The following SH3PXD2A variants were observed in gnomAD, a reference collection of about 807,000 sequenced individuals.
SH3PXD2A encodes SH3 and PX domains 2A, also known as SH3 and PX domain-containing protein 2A.
A neutral mutation model predicts 115.2 loss-of-function variants in SH3PXD2A; 32 were observed. That is an observed-to-expected ratio of 0.28 (90% confidence interval 0.21 to 0.37). The LOEUF (loss-of-function observed/expected upper bound fraction) is 0.37. Among genes scored for constraint, SH3PXD2A ranks in the 10% least tolerant of loss-of-function variants. The pLI is 1.00. For missense variants in SH3PXD2A, 1,328 were observed against 1,498.7 expected (o/e 0.89, Z 1.88); for synonymous variants, 610 against 629.1 (o/e 0.97, Z 0.45).
At chr10:103,693,129 C>T (rs775084687) in intron 5 of SH3PXD2A, 73 bp from the exon 6 acceptor site, 5 of 1,359,604 alleles carry the variant, frequency 3.7e-6, no homozygotes, top group Non-Finnish European at 4.2e-6. Context: ...TGCAGGGGCG[C>T]CCTCGGGCTG....
chr10:103,851,047 C>T (rs1326480601), intron 1 of SH3PXD2A, among the ~76,000 whole-genome samples: 3 of 138,708 alleles, frequency 2.2e-5, no homozygotes, highest in East Asian at 4.2e-4. Context: ...TGCCCAACAC[C>T]ATACTCATTC....
intron 11 of SH3PXD2A, among the ~76,000 whole-genome samples, chr10:103,615,423 T>C (rs1303439024): frequency 6.6e-6 from 1 of 151,056 alleles, no homozygotes; most frequent in African/African-American, 2.4e-5. Flanking sequence ...TTTCCAGCAA[T>C]GGAGAATGAA....
intron 13 of SH3PXD2A, among the ~76,000 whole-genome samples, chr10:103,610,820 A>G (rs546114706): frequency 6.6e-6 from 1 of 152,354 alleles, no homozygotes; most frequent in Non-Finnish European, 1.5e-5. Context: ...AGGGCACTGA[A>G]GCTTGTAGAG....
At chr10:103,626,310 C>T (rs191072042) in intron 9 of SH3PXD2A, among the ~76,000 whole-genome samples, 9 of 152,344 alleles carry the variant, frequency 5.9e-5, no homozygotes, top group Admixed American at 3.9e-4. Context: ...GCCCGAGCAC[C>T]GGGTGGTGGC....
At chr10:103,701,372 T>G (rs1207622122) in intron 5 of SH3PXD2A, among the ~76,000 whole-genome samples, 3 of 81,780 alleles carry the variant, frequency 3.7e-5, no homozygotes, top group South Asian at 4.8e-4. Flanking sequence ...ATCTATCCAT[T>G]CATCCATCCA....
At chr10:103,782,270 C>T (rs886988996) in intron 2 of SH3PXD2A, among the ~76,000 whole-genome samples, 2 of 152,206 alleles carry the variant, frequency 1.3e-5, no homozygotes, top group African/African-American at 4.8e-5. Flanking sequence ...AAACCCCAGG[C>T]GGACCTGCTG....
chr10:103,625,710 G>A (rs2036680813), intron 9 of SH3PXD2A, among the ~76,000 whole-genome samples: 1 of 152,198 alleles, frequency 6.6e-6, no homozygotes, highest in South Asian at 2.1e-4. Context: ...TGACCAACAT[G>A]GCGAGACCCC....
At chr10:103,642,151 T>C (rs1391952243) in intron 8 of SH3PXD2A, among the ~76,000 whole-genome samples, 1 of 148,970 alleles carries the variant, frequency 6.7e-6, no homozygotes, top group African/African-American at 2.5e-5. Context: ...ATTTGCCTTT[T>C]TTTTTTTTTT....
intron 5 of SH3PXD2A, among the ~76,000 whole-genome samples, chr10:103,694,801 C>G (rs1272135101): frequency 6.6e-6 from 1 of 152,090 alleles, no homozygotes; most frequent in East Asian, 1.9e-4. Context: ...TCTGGGAAAC[C>G]GTTGCCTTGG....
chr10:103,654,498 T>C (rs570997324), intron 8 of SH3PXD2A, among the ~76,000 whole-genome samples: 2 of 152,274 alleles, frequency 1.3e-5, no homozygotes, highest in East Asian at 3.9e-4. Flanking sequence ...CAATCAGTGG[T>C]CTTTCTAGTG....
intron 3 of SH3PXD2A, among the ~76,000 whole-genome samples, chr10:103,760,341 G>C (rs1450994621): frequency 6.6e-6 from 1 of 152,160 alleles, no homozygotes; most frequent in Non-Finnish European, 1.5e-5. Context: ...AGCCAAGGCA[G>C]GTGGATCACT....
chr10:103,597,181 G>C lies in SH3PXD2A; in HGVS notation c.*4635C>G, dbSNP rs1052065747. On this transcript the variant is annotated 3_prime_UTR_variant, in exon 15 of 15. Coordinates refer to ENST00000369774, the MANE Select transcript of SH3PXD2A (RefSeq NM_001394015.1). ...CAGGCTGAAGTCGCTGAGATGAATG[G>C]GCAGCCCAGGCTCAGCCCCAGGCCC... The C allele has an allele frequency of 6.5e-6, 1 of 152,714 alleles. No homozygotes were observed. Among genetic ancestry groups the C allele is most frequent in the African/African-American group, 2.4e-5 (1 of 41,460 alleles). 9.5% of individuals were successfully genotyped at this position (152,714 alleles called of 1,614,324 possible).
intron 2 of SH3PXD2A, among the ~76,000 whole-genome samples, chr10:103,796,203 A>T (rs1423202894): frequency 6.8e-6 from 1 of 146,944 alleles, no homozygotes; most frequent in African/African-American, 2.5e-5. Context: ...TACAAAAAAT[A>T]AAAAAAAAAA....
At chr10:103,718,760 GACACACACACAC>G (rs55844048) in intron 5 of SH3PXD2A, among the ~76,000 whole-genome samples, 122 of 128,416 alleles carry the variant, frequency 9.5e-4, no homozygotes, top group African/African-American at 3.3e-3. Context: ...CCCCAATCAG[GACACACACACAC>G]ACACACACAC....
At chr10:103,707,043 CGT>C (rs1447357403) in intron 5 of SH3PXD2A, among the ~76,000 whole-genome samples, 7 of 152,148 alleles carry the variant, frequency 4.6e-5, no homozygotes. Context: ...TATTGCCTCA[CGT>C]GTGTCTCTCT....
chr10:103,635,089 A>AGT, intron 8 of SH3PXD2A, among the ~76,000 whole-genome samples: 1 of 152,064 alleles, frequency 6.6e-6, no homozygotes, highest in Non-Finnish European at 1.5e-5. Context: ...AACTGCCTTG[A>AGT]GTGTGTGTGG....
intron 6 of SH3PXD2A, among the ~76,000 whole-genome samples, chr10:103,686,163 C>A (rs1483369703): frequency 2.0e-5 from 3 of 152,162 alleles, no homozygotes; most frequent in African/African-American, 7.2e-5. Context: ...ATAAAGTAAA[C>A]AGGATTTCAT....
chr10:103,854,618 A>T (rs921510836), intron 1 of SH3PXD2A, among the ~76,000 whole-genome samples: 2 of 152,154 alleles, frequency 1.3e-5, no homozygotes, highest in Non-Finnish European at 2.9e-5. Context: ...AAAAGCCACA[A>T]TTCTCCTCAC....
At chr10:103,825,642 A>AT (rs1656044786) in intron 1 of SH3PXD2A, among the ~76,000 whole-genome samples, 1 of 152,182 alleles carries the variant, frequency 6.6e-6, no homozygotes, top group African/African-American at 2.4e-5. Context: ...GAGACAGAGC[A>AT]TAGAGTCCTG....
Sources: gnomAD v4.1 joint callset for allele counts (sites outside exome capture counted in the v4.1 genomes callset) on GRCh38, gnomAD v4.1.1 for gene constraint, MANE v1.5 for transcripts, NCBI Gene and HGNC (gene_info 2026-07-23, HGNC 2026-07-21) for gene names.